The following CCDC73 variants were observed in gnomAD, a reference collection of about 807,000 sequenced individuals.
CCDC73 encodes the protein coiled-coil domain-containing protein 73.
A neutral mutation model predicts 116.5 loss-of-function variants in CCDC73; 95 were observed. That is an observed-to-expected ratio of 0.82 (90% CI 0.69 to 0.97). The LOEUF is 0.97. Ranked by LOEUF, CCDC73 falls within the 50% of genes least tolerant of loss-of-function variation. The pLI is 0.00. For missense variants in CCDC73, 1,066 were observed against 1,206.8 expected, an observed-to-expected ratio of 0.88 and a Z score of 1.73; for synonymous variants, 398 against 401.3, an observed-to-expected ratio of 0.99 and a Z score of 0.10.
At chr11:32,652,027 G>T (rs1325131878) in intron 12 of CCDC73, among the ~76,000 whole-genome samples, 1 of 152,166 alleles carries the variant, frequency 6.6e-6, no homozygotes, top group African/African-American at 2.4e-5. Flanking sequence ...GGTTTTTTAA[G>T]AATAATACAC....
the CCDC73 span, among the ~76,000 whole-genome samples, chr11:32,817,404 G>A: frequency 2.0e-5 from 3 of 152,168 alleles, no homozygotes; most frequent in Non-Finnish European, 1.5e-5. Flanking sequence ...TTAAACCAAT[G>A]TATCACCAGT....
In CCDC73 at chr11:32,702,956, AT is replaced by A; in HGVS notation, c.208-13del. 6.3e-7 allele frequency: 1 copy of A among 1,592,232 alleles called. No homozygotes were observed. The highest frequency in any genetic ancestry group is 8.6e-7 in the Non-Finnish European group (1 of 1,160,120). The stretch of plus-strand genomic sequence containing the variant: ...TTCTGAAGAGTTTCCTGTTTTAAAA[AT>A]TATGACAAGTTAAAACACAAATTCT... On this transcript the variant is annotated splice_polypyrimidine_tract_variant and intron_variant, in intron 3 of 17. Transcript: ENST00000335185.
chr11:32,779,435 G>A (rs1335871144), intron 1 of CCDC73, among the ~76,000 whole-genome samples: 1 of 152,132 alleles, frequency 6.6e-6, no homozygotes, highest in East Asian at 1.9e-4. Context: ...TTTGACTTCA[G>A]GCCAGTAATG....
At chr11:32,829,969 G>C in the CCDC73 span, 4 of 985,516 alleles carry the variant, frequency 4.1e-6, no homozygotes, top group African/African-American at 3.5e-5. Context: ...ACCTCACCCC[G>C]CGCGTGTTCC....
At chr11:32,776,191 A>G (rs1482522796) in intron 1 of CCDC73, among the ~76,000 whole-genome samples, 3 of 152,036 alleles carry the variant, frequency 2.0e-5, no homozygotes, top group Non-Finnish European at 1.5e-5. Context: ...CACTACTCCT[A>G]CTGCTATCAA....
chr11:32,685,234 T>C (rs1015680957), intron 6 of CCDC73, among the ~76,000 whole-genome samples: 3 of 142,112 alleles, frequency 2.1e-5, no homozygotes, highest in African/African-American at 7.9e-5. Context: ...AAGTAAAGCA[T>C]TGATATAGAC....
chr11:32,650,869 A>G (rs1855820054), intron 12 of CCDC73, among the ~76,000 whole-genome samples: 1 of 152,228 alleles, frequency 6.6e-6, no homozygotes, highest in Admixed American at 6.5e-5. Flanking sequence ...CTGGTACAAA[A>G]TGAAAAACAC....
intron 7 of CCDC73, 115 bp downstream of exon 7, chr11:32,683,421 A>G (rs1313158163): frequency 1.4e-6 from 1 of 714,194 alleles, no homozygotes; most frequent in Non-Finnish European, 2.6e-6. Flanking sequence ...AGACAGTAAT[A>G]TTCAGTTTCA....
intron 4 of CCDC73, among the ~76,000 whole-genome samples, chr11:32,702,427 A>T (rs571103816): frequency 6.6e-6 from 1 of 152,268 alleles, no homozygotes; most frequent in African/African-American, 2.4e-5. Flanking sequence ...TGGAGGCTAC[A>T]GTGCATAATA....
chr11:32,675,760 G>A (rs1856081697), intron 8 of CCDC73, 116 bp from the exon 9 acceptor site: 2 of 1,184,062 alleles, frequency 1.7e-6, no homozygotes, highest in Non-Finnish European at 2.4e-6. Context: ...ATTTAATTTA[G>A]GTAACAGTTA....
intron 17 of CCDC73, among the ~76,000 whole-genome samples, chr11:32,608,503 A>G (rs1201815976): frequency 2.0e-5 from 3 of 152,146 alleles, no homozygotes; most frequent in Non-Finnish European, 4.4e-5. Flanking sequence ...GTGGCTTTGC[A>G]GGGTACAGCC....
the CCDC73 span, chr11:32,829,955 C>T: frequency 1.0e-6 from 1 of 985,716 alleles, no homozygotes; most frequent in Non-Finnish European, 1.2e-6. Flanking sequence ...CGGACCGAGG[C>T]AGGACCTCAC....
intron 3 of CCDC73, among the ~76,000 whole-genome samples, chr11:32,705,139 G>T (rs1590604393): frequency 2.6e-5 from 4 of 152,342 alleles, no homozygotes; most frequent in Admixed American, 2.6e-4. Flanking sequence ...AAACAGCAGT[G>T]GGGCTAGGCC....
intron 14 of CCDC73, among the ~76,000 whole-genome samples, chr11:32,618,777 C>T (rs1211238757): frequency 6.6e-6 from 1 of 152,114 alleles, no homozygotes; most frequent in African/African-American, 2.4e-5. Context: ...GTCTTGAACT[C>T]CTGACCTCAG....
chr11:32,788,258 A>C (rs1161408643), intron 1 of CCDC73, among the ~76,000 whole-genome samples: 1 of 152,172 alleles, frequency 6.6e-6, no homozygotes. Flanking sequence ...AGCATGTACA[A>C]TCAGAGTGTT....
chr11:32,770,333 A>T (rs1384972163), intron 1 of CCDC73, among the ~76,000 whole-genome samples: 1 of 152,206 alleles, frequency 6.6e-6, no homozygotes, highest in Non-Finnish European at 1.5e-5. Flanking sequence ...CATTCTATTA[A>T]CTAAAGCATT....
At chr11:32,674,431 G>A (rs1856065976) in intron 9 of CCDC73, among the ~76,000 whole-genome samples, 2 of 152,126 alleles carry the variant, frequency 1.3e-5, no homozygotes, top group Admixed American at 1.3e-4. Context: ...CTTTGTGTCA[G>A]TTGGAATATT....
chr11:32,617,370 A>G (rs939085305), intron 14 of CCDC73, among the ~76,000 whole-genome samples: 1 of 152,080 alleles, frequency 6.6e-6, no homozygotes, highest in Non-Finnish European at 1.5e-5. Context: ...CAATAGGCAC[A>G]TCAAACAGTA....
intron 7 of CCDC73, among the ~76,000 whole-genome samples, chr11:32,679,629 G>T (rs766674905): frequency 2.0e-5 from 3 of 152,176 alleles, no homozygotes; most frequent in Non-Finnish European, 4.4e-5. Flanking sequence ...CTCCCAAAGT[G>T]CTAGGATTAC....
Sources: allele counts gnomAD v4.1 joint callset (sites outside exome capture counted in the v4.1 genomes callset), GRCh38; gene constraint gnomAD v4.1.1; transcripts MANE v1.5; gene names NCBI Gene and HGNC (gene_info 2026-07-23, HGNC 2026-07-21).